The following KCNQ5 variants were observed in gnomAD, a reference collection of about 807,000 sequenced individuals.
The protein encoded by KCNQ5 is potassium voltage-gated channel subfamily KQT member 5.
KCNQ5 carries 30 observed loss-of-function variants against 98.2 expected under a neutral mutation model. The observed-to-expected ratio is 0.31, with a 90% CI of 0.23 to 0.41. The LOEUF is 0.41. KCNQ5 is among the 10% of genes least tolerant of loss of function. The pLI, the probability that KCNQ5 is intolerant of heterozygous loss-of-function variation, is 1.00. For missense variants in KCNQ5, 835 were observed against 1,182.5 expected (o/e 0.71, Z 4.31); for synonymous variants, 458 against 449.4 (o/e 1.02, Z -0.24).
At chr6:72,934,933 C>A (rs1765840875) in intron 1 of KCNQ5, among the ~76,000 whole-genome samples, 1 of 152,156 alleles carries the variant, frequency 6.6e-6, no homozygotes, top group Admixed American at 6.5e-5. Context: ...TCACCTCACT[C>A]AGGTACTTAC....
intron 2 of KCNQ5, among the ~76,000 whole-genome samples, chr6:73,014,039 G>T (rs1467754335): frequency 6.6e-6 from 1 of 152,112 alleles, no homozygotes; most frequent in Non-Finnish European, 1.5e-5. Context: ...AGTTCACTTT[G>T]CTCAGGTGAG....
In KCNQ5 at chr6:73,124,910, C is replaced by T. The variant is rs894268982; in HGVS notation, c.1247+398C>T. On this transcript the variant is annotated intron_variant, in intron 9 of 13. Transcript: ENST00000370398. ...AGGCAGCAGTCTAGGATACACTCCC[C>T]TTCACTAGGGTCCTTCTTTTGGAGT... 2.2e-5 allele frequency among the ~76,000 whole-genome samples: 3 copies of T among 135,984 alleles called. No individual in the cohort carries two copies. The Admixed American group carries it at 2.3e-4, about 10-fold the overall frequency. The allele number at this position is 135,984 out of a possible 152,430, so 89.2% of individuals were successfully genotyped here.
At chr6:73,166,855 CTA>C (rs1393906294) in intron 10 of KCNQ5, among the ~76,000 whole-genome samples, 2 of 152,196 alleles carry the variant, frequency 1.3e-5, no homozygotes, top group Non-Finnish European at 2.9e-5. Flanking sequence ...CTCTGTGTCC[CTA>C]TGTCTTTGCC....
intron 1 of KCNQ5, among the ~76,000 whole-genome samples, chr6:72,718,624 T>C (rs1308664144): frequency 1.3e-5 from 2 of 151,948 alleles, no homozygotes; most frequent in Non-Finnish European, 1.5e-5. Context: ...CTAATTTTTA[T>C]ATTTTTAGTA....
At position 73,077,393 on chromosome 6, in the gene KCNQ5, G is replaced by A. The variant is rs367859972; in HGVS notation, c.688G>A (p.Ala230Thr). 6.2e-7 allele frequency: 1 copy of A among 1,614,130 alleles called. No individual in the cohort carries two copies. Among genetic ancestry groups the A allele is most frequent in the Non-Finnish European group, 8.5e-7 (1 of 1,179,986 alleles). The change falls in exon 4 of 14, where the codon GCA becomes ACA. Residue 230 changes from alanine to threonine, a missense_variant. By Grantham distance (58) the Ala-to-Thr change is moderately conservative. Transcript: ENST00000370398. ...TCAGGGTAATATTTTTGCCACGTCT[G>A]CACTCAGAAGTCTCCGTTTCCTACA... ...KTQGNIFATS[A>T]LRSLRFLQIL...
At chr6:72,732,640 T>C (rs1046794607) in intron 1 of KCNQ5, among the ~76,000 whole-genome samples, 2 of 152,234 alleles carry the variant, frequency 1.3e-5, no homozygotes, top group African/African-American at 2.4e-5. Flanking sequence ...TTTTCCATTA[T>C]GCTTGAGTGC....
chr6:73,083,092 C>G (rs1405624655), intron 5 of KCNQ5, among the ~76,000 whole-genome samples: 1 of 152,022 alleles, frequency 6.6e-6, no homozygotes, highest in Non-Finnish European at 1.5e-5. Context: ...AGGGGTCTCA[C>G]CATGTTGCCC....
At chr6:72,930,579 C>CAAA (rs5877339) in intron 1 of KCNQ5, among the ~76,000 whole-genome samples, 3,015 of 94,076 alleles carry the variant, frequency 0.032, 110 homozygotes, top group South Asian at 0.091. Flanking sequence ...GACATTTTAC[C>CAAA]AAAAAAAAAA....
At chr6:72,755,517 T>C (rs1046368188) in intron 1 of KCNQ5, among the ~76,000 whole-genome samples, 3 of 152,168 alleles carry the variant, frequency 2.0e-5, no homozygotes, top group East Asian at 1.9e-4. Context: ...TCAAATATTT[T>C]TAGTAGTTGT....
rs369030148 is a variant in KCNQ5 at position 72,839,987 on chromosome 6, G to A, written c.399-163921G>A. Among the ~76,000 whole-genome samples, 28 of 152,106 alleles carry A rather than the reference G, an allele frequency of 1.8e-4. No homozygotes were observed. The East Asian group carries it at 2.7e-3, about 15-fold the overall frequency. ...GTCTAACTGAAACTTTGTTCCCTTCGACCGATATCTCTCTATTTCCCTTCC... is the reference window on the plus strand; with the variant it reads ...GTCTAACTGAAACTTTGTTCCCTTCAACCGATATCTCTCTATTTCCCTTCC... On this transcript the variant is annotated intron_variant, in intron 1 of 13. Coordinates refer to ENST00000370398, the MANE Select transcript of KCNQ5 (RefSeq NM_019842.4).
chr6:72,875,046 C>T (rs994722502), intron 1 of KCNQ5, among the ~76,000 whole-genome samples: 1 of 152,046 alleles, frequency 6.6e-6, no homozygotes, highest in Non-Finnish European at 1.5e-5. Flanking sequence ...AACTGGTGGA[C>T]TATATTTGTC....
Position 72,905,149 on chromosome 6 carries a change from A to G in KCNQ5, c.399-98759A>G, listed in dbSNP as rs773186123. Among the ~76,000 whole-genome samples the G allele has an allele frequency of 4.6e-5, 7 of 152,286 alleles. No individual in the cohort carries two copies. The Middle Eastern group carries it at 0.01, about 222-fold the overall frequency. On this transcript the variant is annotated intron_variant, in intron 1 of 13. Coordinates refer to ENST00000370398, the MANE Select transcript of KCNQ5 (RefSeq NM_019842.4). ...TTCAAGCTCTGAATTTCTTTATTCT[A>G]CTTGTTCAATTCTATTGCTGAGACT... is the stretch of plus-strand genomic sequence containing the variant.
chr6:73,191,864 T>C lies in KCNQ5; in HGVS notation c.1710-701T>C, dbSNP rs184006147. On this transcript the variant is annotated intron_variant, in intron 12 of 13. Coordinates refer to ENST00000370398, the MANE Select transcript of KCNQ5 (RefSeq NM_019842.4). ...ACTGGAAAGTTGTCTATACTCTTGA[T>C]AATTCAATTCTAAACACATACAAAA... 1.2e-3 allele frequency among the ~76,000 whole-genome samples: 181 copies of C among 152,352 alleles called. 1 individual carries two copies. Among genetic ancestry groups the C allele is most frequent in the African/African-American group, 4.2e-3 (174 of 41,592 alleles).
intron 7 of KCNQ5, among the ~76,000 whole-genome samples, chr6:73,115,627 G>A (rs908106540): frequency 1.7e-4 from 26 of 152,226 alleles, no homozygotes; most frequent in Admixed American, 2.6e-4. Context: ...CAATACTTTC[G>A]AAATTATAGA....
At chr6:72,921,702 C>A (rs77017568) in intron 1 of KCNQ5, among the ~76,000 whole-genome samples, 6,818 of 152,212 alleles carry the variant, frequency 0.045, 444 homozygotes, top group African/African-American at 0.14. Flanking sequence ...TGTAGACACT[C>A]AGTAAGTATT....
At chr6:72,833,413 A>G (rs185327639) in intron 1 of KCNQ5, among the ~76,000 whole-genome samples, 295 of 152,232 alleles carry the variant, frequency 1.9e-3, no homozygotes, top group African/African-American at 6.7e-3. Flanking sequence ...AACTCTTCAT[A>G]TTTTATCATA....
At chr6:73,145,853 C>A (rs1377605024) in intron 10 of KCNQ5, among the ~76,000 whole-genome samples, 4 of 152,150 alleles carry the variant, frequency 2.6e-5, no homozygotes, top group Non-Finnish European at 5.9e-5. Context: ...CCTGGGATGC[C>A]TCAAGAAACT....
chr6:73,043,655 T>C (rs1771822259), intron 3 of KCNQ5, among the ~76,000 whole-genome samples: 1 of 152,202 alleles, frequency 6.6e-6, no homozygotes, highest in Non-Finnish European at 1.5e-5. Context: ...TTAGCCAAGA[T>C]TCACTCAACT....
At chr6:73,102,219 C>A (rs1451989306) in intron 5 of KCNQ5, among the ~76,000 whole-genome samples, 1 of 152,082 alleles carries the variant, frequency 6.6e-6, no homozygotes, top group East Asian at 1.9e-4. Context: ...AATTAGACCC[C>A]TATCCCTTGC....
Sources: allele counts gnomAD v4.1 joint callset (sites outside exome capture counted in the v4.1 genomes callset), GRCh38; gene constraint gnomAD v4.1.1; transcripts MANE v1.5; gene names NCBI Gene and HGNC (gene_info 2026-07-23, HGNC 2026-07-21).